GAPVD1: variants seen among roughly 807,000 people sequenced by gnomAD.
GAPVD1 encodes GTPase-activating protein and VPS9 domain-containing protein 1.
A neutral mutation model predicts 155.5 loss-of-function variants in GAPVD1; 35 were observed. The ratio of observed to expected loss-of-function variants is 0.23; its 90% CI spans 0.17 to 0.30. The LOEUF is 0.30. GAPVD1 is among the 10% of genes least tolerant of loss of function. GAPVD1 has a pLI of 1.00. For synonymous variants in GAPVD1, 636 were observed against 619.7 expected (o/e 1.03, Z -0.39); for missense variants, 1,429 against 1,775.7 (o/e 0.80, Z 3.51).
intron 27 of GAPVD1, among the ~76,000 whole-genome samples, chr9:125,361,635 A>G (rs952102235): frequency 6.6e-6 from 1 of 152,144 alleles, no homozygotes; most frequent in Non-Finnish European, 1.5e-5. Flanking sequence ...CTTCTTTAAT[A>G]TGGAATTCCT....
intron 6 of GAPVD1, among the ~76,000 whole-genome samples, chr9:125,306,981 T>C (rs984285197): frequency 6.6e-6 from 1 of 151,882 alleles, no homozygotes; most frequent in Non-Finnish European, 1.5e-5. Context: ...AATACAAAAA[T>C]TAGGTCAGGC....
rs1306103562 is a variant in GAPVD1 at position 125,326,469 on chromosome 9, A to G, written c.1912A>G (p.Met638Val). ...GCTAAGGAAGTTTGAAATTCGTGAC[A>G]TGATGGGATTAACAGATGATAGGGA... ...DKLRKFEIRD[M>V]MGLTDDRDIS... The change falls in exon 12 of 28, where the codon ATG becomes GTG. Residue 638 changes from methionine to valine, a missense_variant. Physicochemically the swap from Met to Val is conservative, Grantham distance 21. This residue lies in a region of GAPVD1 where 699 missense variants were observed against 826.0 expected (regional missense o/e 0.85). Coordinates refer to ENST00000297933, the MANE Select transcript of GAPVD1 (RefSeq NM_001282680.3). The G allele has an allele frequency of 1.2e-6, 2 of 1,612,014 alleles. No individual in the cohort carries two copies. The highest frequency in any genetic ancestry group is 1.7e-6 in the Non-Finnish European group (2 of 1,178,142).
intron 23 of GAPVD1, among the ~76,000 whole-genome samples, chr9:125,353,221 G>A (rs1247780795): frequency 6.6e-6 from 1 of 152,126 alleles, no homozygotes; most frequent in African/African-American, 2.4e-5. Flanking sequence ...CAAGTTCAAA[G>A]TTCCACAAAT....
Position 125,326,586 on chromosome 9 carries a change from G to T in GAPVD1, c.2029G>T (p.Ala677Ser), listed in dbSNP as rs1845210512. The T allele has an allele frequency of 8.7e-6, 14 of 1,605,514 alleles. No individual in the cohort carries two copies. Among genetic ancestry groups the T allele is most frequent in the Non-Finnish European group, 1.2e-5 (14 of 1,172,860 alleles). Residue 677 changes from alanine (A) to serine (S), a missense_variant, in exon 12 of 28, where the codon GCA becomes TCA. By Grantham distance (99) the Ala-to-Ser change is moderately conservative. Coordinates refer to ENST00000297933, the MANE Select transcript of GAPVD1 (RefSeq NM_001282680.3). The part of the protein sequence containing the change: ...NIDEDRLQEI[A>S]GAAAENMLGS... ...TGATGAAGATCGCTTGCAAGAAATT[G>T]CAGGTAACTGCCATTTAATGTCTCT...
chr9:125,317,576 G>A (rs1258612673), intron 9 of GAPVD1, among the ~76,000 whole-genome samples: 1 of 146,712 alleles, frequency 6.8e-6, no homozygotes, highest in Admixed American at 7.0e-5. Context: ...GGTGAGCTGA[G>A]ATTGTGCTGT....
chr9:125,353,522 C>T (rs938386935), intron 23 of GAPVD1, among the ~76,000 whole-genome samples: 5 of 152,278 alleles, frequency 3.3e-5, no homozygotes, highest in East Asian at 1.9e-4. Context: ...ACCCCACTCT[C>T]GGTACCAATT....
Position 125,355,827 on chromosome 9 carries a change from C to A in GAPVD1, c.3941C>A (p.Pro1314His). ...CGGATTTTCAAGCTCGCCTTCTACCCTAATCAAGATGGGGACATACTTCGC... is the reference window on the plus strand; with the variant it reads ...CGGATTTTCAAGCTCGCCTTCTACCATAATCAAGATGGGGACATACTTCGC... ...MNRIFKLAFY[P>H]NQDGDILRDQ... Residue 1314 changes from proline (P) to histidine (H), a missense_variant, in exon 25 of 28, where the codon CCT (proline) becomes CAT (histidine). Physicochemically the swap from Pro to His is moderately conservative, Grantham distance 77. This residue lies in a region of GAPVD1 where 102 missense variants were observed against 196.5 expected (regional missense o/e 0.52). Transcript: ENST00000297933. 1 of 1,609,092 alleles carries A rather than the reference C, an allele frequency of 6.2e-7. No individual in the cohort carries two copies. The highest frequency in any genetic ancestry group is 8.5e-7 in the Non-Finnish European group (1 of 1,175,450).
At chr9:125,321,293 G>T in intron 9 of GAPVD1, 140 bp from the exon 10 acceptor site, 1 of 588,074 alleles carries the variant, frequency 1.7e-6, no homozygotes, top group Non-Finnish European at 3.0e-6. Flanking sequence ...GTATTTAAAA[G>T]CTTGACAGAC....
At chr9:125,275,488 C>T (rs1835624744) in intron 2 of GAPVD1, among the ~76,000 whole-genome samples, 1 of 152,170 alleles carries the variant, frequency 6.6e-6, no homozygotes, top group Non-Finnish European at 1.5e-5. Context: ...GTGACTCAGG[C>T]CTATAGTCCC....
intron 12 of GAPVD1, among the ~76,000 whole-genome samples, chr9:125,326,920 T>C (rs1466561762): frequency 6.6e-6 from 1 of 152,114 alleles, no homozygotes; most frequent in Non-Finnish European, 1.5e-5. Flanking sequence ...TTAGTCTGTC[T>C]CTAATTAGTA....
Position 125,350,739 on chromosome 9 carries a change from G to A in GAPVD1, c.3436G>A (p.Val1146Ile). The A allele has an allele frequency of 1.3e-6, 2 of 1,554,422 alleles. No individual in the cohort carries two copies. The highest frequency in any genetic ancestry group is 1.8e-6 in the Non-Finnish European group (2 of 1,126,808). ...EDNEIVCFLK[V>I]QIAEAINLQD... Reference sequence around the variant, plus strand: ...CAATGAAATTGTATGCTTCTTAAAAGTTCAAATAGCTGAAGCAATTAATTT... The same window carrying A: ...CAATGAAATTGTATGCTTCTTAAAAATTCAAATAGCTGAAGCAATTAATTT... Residue 1146 changes from valine (V) to isoleucine (I), a missense_variant, in exon 23 of 28, where the codon GTT (valine) becomes ATT (isoleucine). Val to Ile is a conservative substitution (Grantham distance 29, BLOSUM62 3). Coordinates refer to ENST00000297933, the MANE Select transcript of GAPVD1 (RefSeq NM_001282680.3).
At chr9:125,329,361 T>G (rs1360781719) in intron 12 of GAPVD1, among the ~76,000 whole-genome samples, 1 of 152,226 alleles carries the variant, frequency 6.6e-6, no homozygotes, top group African/African-American at 2.4e-5. Flanking sequence ...GGTTAAACTC[T>G]CAGTGTTTTT....
chr9:125,266,515 A>G (rs973255321), intron 1 of GAPVD1, among the ~76,000 whole-genome samples: 2 of 151,764 alleles, frequency 1.3e-5, no homozygotes, highest in Admixed American at 6.6e-5. Context: ...GGGTTTCACC[A>G]TGTTATCCAG....
At chr9:125,328,532 A>T (rs1668329882) in intron 12 of GAPVD1, among the ~76,000 whole-genome samples, 1 of 142,168 alleles carries the variant, frequency 7.0e-6, no homozygotes, top group Non-Finnish European at 1.5e-5. Context: ...GTCACAGATC[A>T]ACAGGATCCC....
At chr9:125,316,354 A>C (rs893078854) in intron 9 of GAPVD1, among the ~76,000 whole-genome samples, 2 of 151,468 alleles carry the variant, frequency 1.3e-5, no homozygotes, top group African/African-American at 4.9e-5. Flanking sequence ...GACAGGCCCC[A>C]GTGTATGATG....
At position 125,331,993 on chromosome 9, in the gene GAPVD1, A is replaced by G. The variant is rs958588384; in HGVS notation, c.2241A>G (p.Thr747=). ...AGAGCTGTTCTGGACTGGGTAGCAC[A>G]TCTGATGATACGGATGTCAGGGAGG... is the stretch of plus-strand genomic sequence containing the variant. ...ELESCSGLGS[T]SDDTDVREVS... The change falls in exon 14 of 28, where the codon ACA becomes ACG. Residue 747 remains threonine (T), a synonymous_variant. Coordinates refer to ENST00000297933, the MANE Select transcript of GAPVD1 (RefSeq NM_001282680.3). 6.2e-7 allele frequency: 1 copy of G among 1,614,014 alleles called. No homozygotes were observed. Among genetic ancestry groups the G allele is most frequent in the African/African-American group, 1.3e-5 (1 of 75,040 alleles).
chr9:125,360,391 G>A (rs964360806), intron 26 of GAPVD1, 137 bp from the exon 27 acceptor site: 12 of 620,078 alleles, frequency 1.9e-5, no homozygotes, highest in East Asian at 5.5e-5. Flanking sequence ...GGGGAAAGGG[G>A]CCTGCAATAT....
chr9:125,300,494 C>T (rs1312865314), intron 4 of GAPVD1, among the ~76,000 whole-genome samples: 3 of 151,886 alleles, frequency 2.0e-5, no homozygotes, highest in Admixed American at 6.6e-5. Context: ...CAGTTTTTAA[C>T]TCTAAGAATA....
intron 27 of GAPVD1, among the ~76,000 whole-genome samples, chr9:125,362,176 C>G (rs1214779249): frequency 6.6e-6 from 1 of 152,190 alleles, no homozygotes; most frequent in Non-Finnish European, 1.5e-5. Context: ...CCTCTGTTAC[C>G]TCTGGCAACA....
Sources: allele counts gnomAD v4.1 joint callset (sites outside exome capture counted in the v4.1 genomes callset), GRCh38; gene constraint gnomAD v4.1.1; regional missense constraint gnomAD v4.1.1; transcripts MANE v1.5; gene names NCBI Gene and HGNC (gene_info 2026-07-23, HGNC 2026-07-21).